Variants in DYNC1H1 observed in about 807,000 individuals in gnomAD.
DYNC1H1 encodes cytoplasmic dynein 1 heavy chain 1.
A neutral mutation model predicts 527.1 loss-of-function variants in DYNC1H1; 51 were observed. The observed-to-expected ratio is 0.10, with a 90% CI of 0.08 to 0.12. The LOEUF (loss-of-function observed/expected upper bound fraction) is 0.12. Ranked by LOEUF, DYNC1H1 falls within the 10% of genes least tolerant of loss-of-function variation. The pLI, the probability that DYNC1H1 is intolerant of heterozygous loss-of-function variation, is 1.00. For missense variants in DYNC1H1, 2,771 were observed against 5,971.8 expected (o/e 0.46, Z 17.66); for synonymous variants, 2,189 against 2,278.8 (o/e 0.96, Z 1.12).
At chr14:102,034,226 A>G in intron 55 of DYNC1H1, 38 bp downstream of exon 55, 1 of 1,614,230 alleles carries the variant, frequency 6.2e-7, no homozygotes, top group Non-Finnish European at 8.5e-7. Flanking sequence ...ATGTGCGAGC[A>G]GTGTGAGGCA....
chr14:101,968,339 A>G (rs1217508331), intron 1 of DYNC1H1, among the ~76,000 whole-genome samples: 2 of 152,104 alleles, frequency 1.3e-5, no homozygotes, highest in Non-Finnish European at 2.9e-5. Context: ...TCACCCAGGC[A>G]GGAGTGCAGT....
chr14:102,047,782 C>G (rs201782362), intron 72 of DYNC1H1, 35 bp from the exon 73 acceptor site: 4 of 1,611,538 alleles, frequency 2.5e-6, no homozygotes, highest in African/African-American at 1.3e-5. Flanking sequence ...CGTCCCCTCC[C>G]TCCTTCCTGC....
chr14:102,049,707 T>C lies in DYNC1H1; in HGVS notation c.13516-7T>C. ...CTCCTTCCCCTGGGGGCTGCTGCTT[T>C]CCACAGAACATCCACGTGTGCCTGG... On this transcript the variant is annotated splice_polypyrimidine_tract_variant and splice_region_variant and intron_variant, in intron 75 of 77. Transcript: ENST00000360184. The surrounding 1 kb of genome is among the most constrained non-coding windows in gnomAD (Gnocchi z 5.5). 6.2e-7 allele frequency: 1 copy of C among 1,613,888 alleles called. No individual in the cohort carries two copies. Among genetic ancestry groups the C allele is most frequent in the Non-Finnish European group, 8.5e-7 (1 of 1,180,030 alleles).
chr14:102,010,534 C>A lies in DYNC1H1; in HGVS notation c.6405+75C>A. The A allele has an allele frequency of 6.4e-7, 1 of 1,567,884 alleles. No individual in the cohort carries two copies. Among genetic ancestry groups the A allele is most frequent in the Non-Finnish European group, 8.7e-7 (1 of 1,154,772 alleles). On this transcript the variant is annotated intron_variant, in intron 31 of 77. Transcript: ENST00000360184. The surrounding 1 kb of genome is among the most constrained non-coding windows in gnomAD (Gnocchi z 6.0). ...TACCTTTTTAACATTTAAGCCATGA[C>A]TTGTGAGTTCTTCTTGCAGTTCACA... is the stretch of plus-strand genomic sequence containing the variant.
chr14:101,994,867 G>T lies in DYNC1H1; in HGVS notation c.3333+18G>T. 6.2e-7 allele frequency: 1 copy of T among 1,614,184 alleles called. No individual in the cohort carries two copies. Among genetic ancestry groups the T allele is most frequent in the Non-Finnish European group, 8.5e-7 (1 of 1,180,038 alleles). ...ATGGCAAGGTGAGCCCTGCTGTCTGGTTGAAAGGTGTCACGGGTAGTGTAA... is the reference window on the plus strand; with the variant it reads ...ATGGCAAGGTGAGCCCTGCTGTCTGTTTGAAAGGTGTCACGGGTAGTGTAA... On this transcript the variant is annotated intron_variant, in intron 13 of 77. Coordinates refer to ENST00000360184, the MANE Select transcript of DYNC1H1 (RefSeq NM_001376.5).
At chr14:101,984,003 T>C (rs1852414148) in intron 7 of DYNC1H1, among the ~76,000 whole-genome samples, 1 of 152,070 alleles carries the variant, frequency 6.6e-6, no homozygotes, top group Non-Finnish European at 1.5e-5. Context: ...AGTCTCATTC[T>C]GTTACCTAGG....
chr14:101,994,157 G>C, intron 11 of DYNC1H1, 27 bp from the exon 12 acceptor site: 1 of 1,614,092 alleles, frequency 6.2e-7, no homozygotes, highest in Non-Finnish European at 8.5e-7. Context: ...TACACTGCTT[G>C]CATTCATTTC....
chr14:101,971,690 C>T (rs1430999371), intron 1 of DYNC1H1, among the ~76,000 whole-genome samples: 2 of 152,150 alleles, frequency 1.3e-5, no homozygotes, highest in African/African-American at 2.4e-5. Context: ...TGCACCACTG[C>T]ACTCCAGCCT....
chr14:102,040,822 G>A lies in DYNC1H1; in HGVS notation c.11941+149G>A, dbSNP rs1358909461. On this transcript the variant is annotated intron_variant, in intron 64 of 77. Coordinates refer to ENST00000360184, the MANE Select transcript of DYNC1H1 (RefSeq NM_001376.5). Reference sequence around the variant, plus strand: ...AAAAAATAAAACCTTAGCCAGGCGTGGCGGTGCACACCTGTAGTCCCATCT... The same window carrying A: ...AAAAAATAAAACCTTAGCCAGGCGTAGCGGTGCACACCTGTAGTCCCATCT... 1.6e-5 allele frequency: 15 copies of A among 913,656 alleles called. No individual in the cohort carries two copies. The African/African-American group carries it at 2.1e-4, about 13-fold the overall frequency. The allele number at this position is 913,656 out of a possible 1,614,324, so 56.6% of individuals were successfully genotyped here.
rs76715642 is a variant in DYNC1H1 at position 102,009,795 on chromosome 14, T to G, written c.5978-48T>G. 60 of 1,589,830 alleles carry G rather than the reference T, an allele frequency of 3.8e-5. No individual in the cohort carries two copies. In the African/African-American group the frequency reaches 4.9e-4, roughly 13 times the overall value. On this transcript the variant is annotated intron_variant, in intron 29 of 77. Coordinates refer to ENST00000360184, the MANE Select transcript of DYNC1H1 (RefSeq NM_001376.5). ...AGAGACATTTTAGAATGCATTTTGT[T>G]TTTTTTTTTTAACATTTCTAGTCTT...
Position 102,055,560 on chromosome 14 carries a change from C to T in DYNC1H1, c.*4997C>T, listed in dbSNP as rs951455389. 5 of 153,166 alleles carry T rather than the reference C, an allele frequency of 3.3e-5. No individual in the cohort carries two copies. The East Asian group carries it at 7.7e-4, about 24-fold the overall frequency. 9.5% of individuals were successfully genotyped at this position (153,166 alleles called of 1,614,324 possible). A position where few individuals can be genotyped will look rare whatever the true frequency, so the allele number is the denominator to read the frequency against. On this transcript the variant is annotated 3_prime_UTR_variant, in exon 78 of 78. Transcript: ENST00000360184. ...CTCCGGACATCTGTTCAGCACCCCCCTCGACCTGGCCAAGGCTCCACGCAC... is the reference window on the plus strand; with the variant it reads ...CTCCGGACATCTGTTCAGCACCCCCTTCGACCTGGCCAAGGCTCCACGCAC...
At chr14:101,984,932 C>CAAAAA (rs773102943) in intron 7 of DYNC1H1, among the ~76,000 whole-genome samples, 2 of 40,164 alleles carry the variant, frequency 5.0e-5, no homozygotes, top group Admixed American at 2.7e-4. Flanking sequence ...GGCTCCGTCT[C>CAAAAA]AAAAAAAAAA....
rs745508003 is a variant in DYNC1H1, at chr14:102,039,147, G to A, written c.11353G>A (p.Glu3785Lys). ...GGCTGCAGAGGTCACCAGGAAAGTTGAGGAGACGGACATTGTCATGCAGGA... is the reference window on the plus strand; with the variant it reads ...GGCTGCAGAGGTCACCAGGAAAGTTAAGGAGACGGACATTGTCATGCAGGA... ...REAAEVTRKV[E>K]ETDIVMQEVE... is the part of the protein sequence containing the mutation. Residue 3785 changes from glutamate to lysine, a missense_variant, in exon 60 of 78, where the codon GAG (glutamate) becomes AAG (lysine). By Grantham distance (56) the Glu-to-Lys change is moderately conservative (BLOSUM62 1). This residue lies in a region of DYNC1H1 where 283 missense variants were observed against 737.6 expected (regional missense o/e 0.38). Transcript: ENST00000360184. The surrounding 1 kb of genome is among the most constrained non-coding windows in gnomAD (Gnocchi z 7.0). The A allele has an allele frequency of 1.2e-6, 2 of 1,614,210 alleles. No homozygotes were observed. The highest frequency in any genetic ancestry group is 1.1e-5 in the South Asian group (1 of 91,086).
chr14:102,049,134 G>T lies in DYNC1H1; in HGVS notation c.13373-306G>T. 2 of 470,860 alleles carry T rather than the reference G, an allele frequency of 4.2e-6. No individual in the cohort carries two copies. The highest frequency in any genetic ancestry group is 4.1e-5 in the South Asian group (2 of 48,638). The allele number at this position is 470,860 out of a possible 1,614,324, so 29.2% of individuals were successfully genotyped here. On this transcript the variant is annotated intron_variant, in intron 74 of 77. Coordinates refer to ENST00000360184, the MANE Select transcript of DYNC1H1 (RefSeq NM_001376.5). The surrounding 1 kb of genome is among the most constrained non-coding windows in gnomAD (Gnocchi z 5.5). ...AATTGCCAGGAACACTGAGCCACTT[G>T]TGTGACATGAGGTTTTAGCCGCGGT...
At chr14:101,970,624 A>G (rs2047726082) in intron 1 of DYNC1H1, among the ~76,000 whole-genome samples, 1 of 151,792 alleles carries the variant, frequency 6.6e-6, no homozygotes. Context: ...CTGGGATTAC[A>G]GGCATGTGCC....
chr14:102,046,677 C>G (rs774339836), intron 72 of DYNC1H1, among the ~76,000 whole-genome samples: 1 of 152,226 alleles, frequency 6.6e-6, no homozygotes, highest in Non-Finnish European at 1.5e-5. Flanking sequence ...GCCTCTCGAG[C>G]ACGCACTCAT....
chr14:102,008,068 A>G (rs1392748048), intron 28 of DYNC1H1, 110 bp from the exon 29 acceptor site: 1 of 1,516,246 alleles, frequency 6.6e-7, no homozygotes, highest in Admixed American at 1.7e-5. Context: ...TTCGCTAAAG[A>G]CAAACCCACT....
chr14:102,050,812 T>C lies in DYNC1H1; in HGVS notation c.*249T>C. 6.0e-6 allele frequency: 3 copies of C among 502,496 alleles called. No homozygotes were observed. The highest frequency in any genetic ancestry group is 1.1e-5 in the Non-Finnish European group (3 of 280,612). 31.1% of individuals were successfully genotyped at this position (502,496 alleles called of 1,614,324 possible). On this transcript the variant is annotated 3_prime_UTR_variant, in exon 78 of 78. Transcript: ENST00000360184. The stretch of plus-strand genomic sequence containing the variant: ...GCATGAGCCGGCTCCGCCTCTTCTG[T>C]CTCCGCTTTCATCCCAGGGCACAGA...
chr14:102,013,636 A>G (rs1171659491), intron 34 of DYNC1H1, among the ~76,000 whole-genome samples: 1 of 152,120 alleles, frequency 6.6e-6, no homozygotes, highest in Non-Finnish European at 1.5e-5. Flanking sequence ...CTAGGAGGTC[A>G]TTGTCGGGGG....
Sources: gnomAD v4.1 joint callset for allele counts (sites outside exome capture counted in the v4.1 genomes callset) on GRCh38, gnomAD v4.1.1 for gene constraint, gnomAD v4.1.1 regional missense constraint, Gnocchi (gnomAD v3.1) non-coding constraint, MANE v1.5 for transcripts, NCBI Gene and HGNC (gene_info 2026-07-23, HGNC 2026-07-21) for gene names.